The following ROCK1 variants were observed in gnomAD, a reference collection of about 807,000 sequenced individuals.
ROCK1 encodes the protein Rho associated coiled-coil containing protein kinase 1, also known as rho-associated protein kinase 1.
A neutral mutation model predicts 196.8 loss-of-function variants in ROCK1; 36 were observed. The ratio of observed to expected loss-of-function variants is 0.18; its 90% confidence interval spans 0.14 to 0.24. The LOEUF is 0.24. Among genes scored for constraint, ROCK1 ranks in the 10% least tolerant of loss-of-function variants. The pLI is 1.00. For synonymous variants in ROCK1, 443 were observed against 515.9 expected (o/e 0.86, Z 1.91); for missense variants, 920 against 1,562.0 (o/e 0.59, Z 6.93).
intron 1 of ROCK1, among the ~76,000 whole-genome samples, chr18:21,090,613 AG>A (rs1478786178): frequency 6.6e-6 from 1 of 152,252 alleles, no homozygotes; most frequent in African/African-American, 2.4e-5. Context: ...TCCCCCGGAT[AG>A]GTACAGTTTA....
At chr18:21,004,818 C>T (rs2035754813) in intron 16 of ROCK1, among the ~76,000 whole-genome samples, 1 of 152,212 alleles carries the variant, frequency 6.6e-6, no homozygotes, top group Admixed American at 6.5e-5. Flanking sequence ...TTTCCTATTA[C>T]ATATAAAGTG....
chr18:21,018,116 T>A (rs1038035261), intron 12 of ROCK1, among the ~76,000 whole-genome samples: 31 of 152,238 alleles, frequency 2.0e-4, no homozygotes, highest in African/African-American at 6.8e-4. Context: ...CTCAATTTTA[T>A]TTCCTTGAGG....
chr18:21,049,674 G>T, intron 3 of ROCK1, 106 bp downstream of exon 3: 1 of 747,726 alleles, frequency 1.3e-6, no homozygotes, highest in Non-Finnish European at 2.1e-6. Context: ...GGAACTTAAA[G>T]CAACAATTCT....
At position 21,111,571 on chromosome 18, in the gene ROCK1, G is replaced by A; in HGVS notation, c.-661C>T. 1 of 163,308 alleles carries A rather than the reference G, an allele frequency of 6.1e-6. No homozygotes were observed. Among genetic ancestry groups the A allele is most frequent in the Non-Finnish European group, 1.3e-5 (1 of 75,820 alleles). 10.1% of individuals were successfully genotyped at this position (163,308 alleles called of 1,614,324 possible). A position where few individuals can be genotyped will look rare whatever the true frequency, so the allele number is the denominator to read the frequency against. ...GGCTGCTGCTACGGTGTCCGGTGGG[G>A]CAGGGCGAGGTCGATGCCCGATGGA... On this transcript the variant is annotated 5_prime_UTR_variant, in exon 1 of 33. Coordinates refer to ENST00000399799, the MANE Select transcript of ROCK1 (RefSeq NM_005406.3). The surrounding 1 kb of genome is among the most constrained non-coding windows in gnomAD (Gnocchi z 4.2).
chr18:21,035,296 A>AG, intron 9 of ROCK1, among the ~76,000 whole-genome samples: 2 of 152,354 alleles, frequency 1.3e-5, no homozygotes, highest in South Asian at 4.1e-4. Context: ...CAATCCCAGC[A>AG]CTTTGGTGCA....
chr18:20,953,271 T>G, intron 32 of ROCK1: 1 of 220,696 alleles, frequency 4.5e-6, no homozygotes, highest in Non-Finnish European at 8.8e-6. Flanking sequence ...ATGAAAAGTT[T>G]TATATGAATT....
chr18:21,091,339 T>C (rs2036568326), intron 1 of ROCK1, among the ~76,000 whole-genome samples: 1 of 152,174 alleles, frequency 6.6e-6, no homozygotes, highest in African/African-American at 2.4e-5. Flanking sequence ...GAATGGTGGC[T>C]CATGCCTGTA....
At chr18:21,000,956 C>T (rs1330463816) in intron 16 of ROCK1, among the ~76,000 whole-genome samples, 1 of 152,150 alleles carries the variant, frequency 6.6e-6, no homozygotes, top group African/African-American at 2.4e-5. Flanking sequence ...AATACTTGTA[C>T]ACAAATGTTG....
Position 21,030,248 on chromosome 18 carries a change from T to C in ROCK1, c.1052-1313A>G, listed in dbSNP as rs116349982. Among the ~76,000 whole-genome samples, 665 of 152,320 alleles carry C rather than the reference T, an allele frequency of 4.4e-3. 8 individuals carry two copies. The highest frequency in any genetic ancestry group is 0.015 in the African/African-American group (609 of 41,554). On this transcript the variant is annotated intron_variant, in intron 9 of 32. Coordinates refer to ENST00000399799, the MANE Select transcript of ROCK1 (RefSeq NM_005406.3). ...TTAATTATGGTCTTGGCATACATTTTATGTTAAAAGAGTGATCTCAATCAG... is the reference window on the plus strand; with the variant it reads ...TTAATTATGGTCTTGGCATACATTTCATGTTAAAAGAGTGATCTCAATCAG...
Position 21,035,021 on chromosome 18 carries a change from G to A in ROCK1, c.1051+4451C>T, listed in dbSNP as rs34307576. Reference sequence around the variant, plus strand: ...TATACGAATGGCCAATAAGCAACATGACAAGATGTTTACCATTCCTGGTCA... The same window carrying A: ...TATACGAATGGCCAATAAGCAACATAACAAGATGTTTACCATTCCTGGTCA... On this transcript the variant is annotated intron_variant, in intron 9 of 32. Coordinates refer to ENST00000399799, the MANE Select transcript of ROCK1 (RefSeq NM_005406.3). 4.7e-3 allele frequency among the ~76,000 whole-genome samples: 720 copies of A among 152,282 alleles called. 4 individuals are homozygous for A. The highest frequency in any genetic ancestry group is 8.7e-3 in the South Asian group (42 of 4,832).
At position 21,110,935 on chromosome 18, in the gene ROCK1, T is replaced by G. The variant is rs2143615840; in HGVS notation, c.-25A>C. The stretch of plus-strand genomic sequence containing the variant: ...TGTTGCTGCTGCTGTGACAATGCCC[T>G]CTTACCAGCACCAGCAGCGGAAAGC... On this transcript the variant is annotated 5_prime_UTR_variant, in exon 1 of 33. Coordinates refer to ENST00000399799, the MANE Select transcript of ROCK1 (RefSeq NM_005406.3). 6.3e-7 allele frequency: 1 copy of G among 1,581,930 alleles called. No individual in the cohort carries two copies. The highest frequency in any genetic ancestry group is 8.7e-7 in the Non-Finnish European group (1 of 1,151,192).
chr18:21,012,852 A>G (rs1407666123), intron 13 of ROCK1, among the ~76,000 whole-genome samples: 2 of 152,090 alleles, frequency 1.3e-5, no homozygotes, highest in Non-Finnish European at 2.9e-5. Flanking sequence ...TTCAGACTGC[A>G]TAATTTCTAT....
chr18:21,033,497 T>A (rs1366854419), intron 9 of ROCK1, among the ~76,000 whole-genome samples: 1 of 151,984 alleles, frequency 6.6e-6, no homozygotes, highest in Non-Finnish European at 1.5e-5. Context: ...TAGGCAAGAA[T>A]GATAAATAAA....
At chr18:20,968,569 G>A (rs2035396239) in intron 25 of ROCK1, 1 of 498,420 alleles carries the variant, frequency 2.0e-6, no homozygotes. Context: ...GCCTCCTAAA[G>A]TGTTGGGATT....
At chr18:20,980,102 A>C in intron 21 of ROCK1, 98 bp from the exon 22 acceptor site, 2 of 1,328,250 alleles carry the variant, frequency 1.5e-6, no homozygotes. Flanking sequence ...ATGATCCAAC[A>C]ATTCCACTCT....
At chr18:20,978,154 A>C (rs1412083167) in intron 22 of ROCK1, among the ~76,000 whole-genome samples, 1 of 152,142 alleles carries the variant, frequency 6.6e-6, no homozygotes, top group South Asian at 2.1e-4. Context: ...AACAACAAAA[A>C]GTCTAAGTTT....
At chr18:21,038,481 T>C (rs1243026876) in intron 9 of ROCK1, among the ~76,000 whole-genome samples, 3 of 152,282 alleles carry the variant, frequency 2.0e-5, no homozygotes, top group South Asian at 2.1e-4. Flanking sequence ...GGCAATACAA[T>C]TGTTCTTTTA....
intron 9 of ROCK1, among the ~76,000 whole-genome samples, chr18:21,029,615 T>C (rs2035989273): frequency 6.6e-6 from 1 of 152,162 alleles, no homozygotes. Flanking sequence ...ATATAAAAAA[T>C]GGATATGACA....
chr18:20,986,702 T>C (rs1413066620), intron 19 of ROCK1, among the ~76,000 whole-genome samples: 2 of 152,184 alleles, frequency 1.3e-5, no homozygotes, highest in Non-Finnish European at 2.9e-5. Context: ...GAAGGAACTA[T>C]GACATTTCAA....
Sources: gnomAD v4.1 joint callset for allele counts (sites outside exome capture counted in the v4.1 genomes callset) on GRCh38, gnomAD v4.1.1 for gene constraint, Gnocchi (gnomAD v3.1) non-coding constraint, MANE v1.5 for transcripts, NCBI Gene and HGNC (gene_info 2026-07-23, HGNC 2026-07-21) for gene names.